FBXL13: variants seen among roughly 807,000 people sequenced by gnomAD.
FBXL13 encodes the protein F-box and leucine-rich repeat protein 13.
FBXL13 carries 67 observed loss-of-function variants against 83.6 expected under a neutral mutation model. The observed-to-expected ratio is 0.80, with a 90% CI of 0.66 to 0.98. The LOEUF (loss-of-function observed/expected upper bound fraction) is 0.98, where lower values mean the gene tolerates loss of function less well. FBXL13 is among the 50% of genes least tolerant of loss of function. The probability of loss-of-function intolerance (pLI) is 0.00; values close to 1 mark genes in which losing one functional copy is unlikely to be tolerated. For synonymous variants in FBXL13, 272 were observed against 299.5 expected, an observed-to-expected ratio of 0.91 and a Z score of 0.95; for missense variants, 822 against 866.5, an observed-to-expected ratio of 0.95 and a Z score of 0.64.
exon 7 of FBXL13, chr7:102,968,036 A>G (rs762967925): frequency 5.6e-6 from 9 of 1,612,730 alleles, no homozygotes; most frequent in Non-Finnish European, 7.6e-6. Flanking sequence ...TTCCACAGTG[A>G]GTTTAGTTGT....
intron 18 of FBXL13, among the ~76,000 whole-genome samples, chr7:102,827,752 C>G (rs12113233): frequency 0.14 from 21,291 of 152,064 alleles, 1,567 homozygotes; most frequent in Middle Eastern, 0.26. Flanking sequence ...GTTCAATTCC[C>G]ACCTATGAGT....
rs1053507873 is a variant in FBXL13 at position 102,944,135 on chromosome 7, G to A, written c.725-12202C>T. On this transcript the variant is annotated intron_variant, in intron 8 of 19. Coordinates refer to ENST00000313221, the Ensembl canonical transcript of FBXL13. ...AAAATTAAGCCTCTTTTTAAAATTT[G>A]TATTTGTCCTTTCCATATGCCATAC... 9.0e-5 allele frequency: 104 copies of A among 1,154,144 alleles called. 1 individual carries two copies. The highest frequency in any genetic ancestry group is 1.2e-4 in the Non-Finnish European group (103 of 840,638). The allele number at this position is 1,154,144 out of a possible 1,614,324, so 71.5% of individuals were successfully genotyped here.
intron 6 of FBXL13, among the ~76,000 whole-genome samples, chr7:103,002,994 A>G (rs753117414): frequency 5.1e-4 from 77 of 152,066 alleles, no homozygotes; most frequent in Non-Finnish European, 1.9e-4. Flanking sequence ...CTTTCTAACC[A>G]TTGCTCTTTC....
chr7:102,931,309 G>T (rs1296256623), intron 9 of FBXL13, among the ~76,000 whole-genome samples: 2 of 152,192 alleles, frequency 1.3e-5, no homozygotes, highest in Non-Finnish European at 2.9e-5. Flanking sequence ...ACCACAGAGG[G>T]TCTTCAAGGT....
intron 6 of FBXL13, among the ~76,000 whole-genome samples, chr7:102,984,359 T>C (rs1476337422): frequency 3.3e-5 from 5 of 152,220 alleles, no homozygotes; most frequent in Non-Finnish European, 7.3e-5. Flanking sequence ...CCTATCTATT[T>C]ATCTACCTAT....
At chr7:102,997,144 A>G (rs1459977996) in intron 6 of FBXL13, among the ~76,000 whole-genome samples, 3 of 152,194 alleles carry the variant, frequency 2.0e-5, no homozygotes, top group African/African-American at 7.2e-5. Flanking sequence ...AAAGCTTGCC[A>G]TTTATGTCTA....
chr7:102,859,277 G>A (rs992011306), intron 16 of FBXL13, among the ~76,000 whole-genome samples: 2 of 152,116 alleles, frequency 1.3e-5, no homozygotes, highest in African/African-American at 2.4e-5. Context: ...GCAACAAATC[G>A]AGCCGGCAGA....
intron 6 of FBXL13, among the ~76,000 whole-genome samples, chr7:103,001,535 G>A (rs1790404002): frequency 6.6e-6 from 1 of 152,212 alleles, no homozygotes; most frequent in African/African-American, 2.4e-5. Flanking sequence ...TGCCAGGGGA[G>A]ATTGATATTT....
At position 102,867,795 on chromosome 7, in the gene FBXL13, C is replaced by T. The variant is rs544089945; in HGVS notation, c.1635+9672G>A. 9.5e-5 allele frequency among the ~76,000 whole-genome samples: 14 copies of T among 147,492 alleles called. 1 individual carries two copies. The East Asian group carries it at 1.8e-3, about 19-fold the overall frequency. On this transcript the variant is annotated intron_variant, in intron 16 of 19. Transcript: ENST00000313221. ...TTGGCTCACTGCAAGCTCCGCCTCC[C>T]GGGTTCATGCCATTCTCCTGCCTCA... is the stretch of plus-strand genomic sequence containing the variant.
At chr7:102,939,120 C>A (rs1322477340) in intron 8 of FBXL13, among the ~76,000 whole-genome samples, 1 of 152,202 alleles carries the variant, frequency 6.6e-6, no homozygotes, top group African/African-American at 2.4e-5. Context: ...GATAAACAGG[C>A]TGCTTTCTAG....
rs955094127 is a variant in FBXL13 at position 102,877,609 on chromosome 7, A to G, written c.1509-16T>C. 6.2e-6 allele frequency: 10 copies of G among 1,600,298 alleles called. No individual in the cohort carries two copies. The Admixed American group carries it at 8.9e-5, about 14-fold the overall frequency. On this transcript the variant is annotated splice_polypyrimidine_tract_variant and intron_variant, in intron 15 of 19. Coordinates refer to ENST00000313221, the Ensembl canonical transcript of FBXL13. ...ATTAGGGCAGCTAAAAGAAAGTAGC[A>G]TGGATTAATTTTAGCTGTCAATCAT... is the stretch of plus-strand genomic sequence containing the variant.
At chr7:103,017,114 C>T (rs573380871) in intron 6 of FBXL13, among the ~76,000 whole-genome samples, 160 of 149,732 alleles carry the variant, frequency 1.1e-3, no homozygotes, top group Non-Finnish European at 1.8e-3. Context: ...CTGGGTACCC[C>T]TCTGAGACGA....
chr7:102,928,046 G>A (rs1172547803), intron 9 of FBXL13, among the ~76,000 whole-genome samples: 1 of 152,218 alleles, frequency 6.6e-6, no homozygotes, highest in Non-Finnish European at 1.5e-5. Context: ...GAAGAGGAAG[G>A]TGGAGTAGCT....
intron 1 of FBXL13, 102 bp from the exon 2 acceptor site, chr7:103,055,849 G>A: frequency 2.0e-6 from 1 of 491,702 alleles, no homozygotes; most frequent in South Asian, 1.8e-5. Context: ...GGTTTTTTTG[G>A]TTTTTAATTA....
chr7:102,963,629 T>C, exon 8 of FBXL13: 1 of 1,605,866 alleles, frequency 6.2e-7, no homozygotes, highest in South Asian at 1.1e-5. Flanking sequence ...ACTATATATT[T>C]ATCTGGAATC....
At chr7:103,068,779 G>T (rs1798638231) in intron 1 of FBXL13, among the ~76,000 whole-genome samples, 2 of 152,186 alleles carry the variant, frequency 1.3e-5, no homozygotes, top group Non-Finnish European at 2.9e-5. Flanking sequence ...TCTCCCATAA[G>T]GCAGTGAGTT....
chr7:102,942,384 A>T, intron 8 of FBXL13: 1 of 1,469,468 alleles, frequency 6.8e-7, no homozygotes, highest in Middle Eastern at 1.8e-4. Flanking sequence ...ACTTTAAAAG[A>T]CGTGAATAAC....
intron 6 of FBXL13, among the ~76,000 whole-genome samples, chr7:103,012,808 C>T (rs1414531000): frequency 2.0e-5 from 3 of 152,180 alleles, no homozygotes; most frequent in African/African-American, 7.2e-5. Context: ...TGTATCGATA[C>T]TAATCTTGAA....
At chr7:103,032,193 A>C (rs1794579521) in intron 2 of FBXL13, among the ~76,000 whole-genome samples, 1 of 152,222 alleles carries the variant, frequency 6.6e-6, no homozygotes. Flanking sequence ...ATAGCTTATA[A>C]AAAAATTTCA....
Sources: gnomAD v4.1 joint callset for allele counts (sites outside exome capture counted in the v4.1 genomes callset) on GRCh38, gnomAD v4.1.1 for gene constraint, MANE v1.5 for transcripts, NCBI Gene and HGNC (gene_info 2026-07-23, HGNC 2026-07-21) for gene names.